NYAP2: variants seen among roughly 807,000 people sequenced by gnomAD.
The protein encoded by NYAP2 is neuronal tyrosine-phosphorylated phosphoinositide-3-kinase adapter 2.
NYAP2 carries 23 observed loss-of-function variants against 50.4 expected under a neutral mutation model. The observed-to-expected ratio is 0.46, with a 90% CI of 0.33 to 0.65. NYAP2 has a LOEUF of 0.65. Ranked by LOEUF, NYAP2 falls within the 30% of genes least tolerant of loss-of-function variation. The probability of loss-of-function intolerance (pLI) is 0.02; values close to 1 mark genes in which losing one functional copy is unlikely to be tolerated. For missense variants in NYAP2, 885 were observed against 861.0 expected (o/e 1.03, Z -0.35); for synonymous variants, 394 against 365.2 (o/e 1.08, Z -0.90).
chr2:225,679,860 G>T, the NYAP2 span, among the ~76,000 whole-genome samples: 2 of 151,874 alleles, frequency 1.3e-5, no homozygotes, highest in Non-Finnish European at 2.9e-5. Flanking sequence ...TAATGTATTT[G>T]CATGTAGAAA....
the NYAP2 span, among the ~76,000 whole-genome samples, chr2:225,681,681 C>A: frequency 6.6e-6 from 1 of 152,144 alleles, no homozygotes; most frequent in Admixed American, 6.5e-5. Context: ...ATATAAAATA[C>A]CCATAATCTC....
chr2:225,420,866 A>G (rs1249548507), intron 3 of NYAP2, among the ~76,000 whole-genome samples: 1 of 152,120 alleles, frequency 6.6e-6, no homozygotes, highest in Non-Finnish European at 1.5e-5. Flanking sequence ...TCAGAATGGC[A>G]TGGATAAATT....
At chr2:225,669,763 A>G in the NYAP2 span, among the ~76,000 whole-genome samples, 10 of 152,290 alleles carry the variant, frequency 6.6e-5, no homozygotes, top group African/African-American at 2.4e-4. Flanking sequence ...AGTAGTAGAA[A>G]ATGTGTAATT....
intron 3 of NYAP2, among the ~76,000 whole-genome samples, chr2:225,429,455 C>T (rs919167912): frequency 1.3e-5 from 2 of 152,168 alleles, no homozygotes; most frequent in African/African-American, 2.4e-5. Flanking sequence ...ACCTGGAATT[C>T]CTTGCAATGT....
chr2:225,532,190 CT>C (rs1162374041), intron 4 of NYAP2, among the ~76,000 whole-genome samples: 1 of 152,074 alleles, frequency 6.6e-6, no homozygotes, highest in African/African-American at 2.4e-5. Context: ...AGATTCATTC[CT>C]TTTTTTCCAT....
chr2:225,586,774 C>G (rs545998851), intron 5 of NYAP2, among the ~76,000 whole-genome samples: 1 of 151,930 alleles, frequency 6.6e-6, no homozygotes, highest in Non-Finnish European at 1.5e-5. Context: ...ATAACCAAAC[C>G]AAATTTTAAA....
chr2:225,443,857 A>G (rs1345015128), intron 3 of NYAP2, among the ~76,000 whole-genome samples: 6 of 152,206 alleles, frequency 3.9e-5, no homozygotes, highest in African/African-American at 1.4e-4. Flanking sequence ...CAAGACTTAT[A>G]TAAGGAATGG....
chr2:225,470,084 T>C (rs768004445), intron 3 of NYAP2, among the ~76,000 whole-genome samples: 9 of 152,300 alleles, frequency 5.9e-5, no homozygotes, highest in African/African-American at 9.6e-5. Flanking sequence ...ATGAAGTATA[T>C]TTCATCTGTC....
chr2:225,521,906 G>A (rs1477483676), intron 4 of NYAP2, among the ~76,000 whole-genome samples: 4 of 152,044 alleles, frequency 2.6e-5, no homozygotes, highest in South Asian at 2.1e-4. Context: ...TCTGGTCCTG[G>A]ACTCTTTTTT....
chr2:225,661,351 C>A, the NYAP2 span, among the ~76,000 whole-genome samples: 33 of 152,232 alleles, frequency 2.2e-4, no homozygotes, highest in African/African-American at 7.7e-4. Flanking sequence ...GCACCCAGCT[C>A]ACCTGCTGGA....
At chr2:225,557,830 G>T (rs1203552788) in intron 4 of NYAP2, among the ~76,000 whole-genome samples, 1 of 152,178 alleles carries the variant, frequency 6.6e-6, no homozygotes, top group Non-Finnish European at 1.5e-5. Flanking sequence ...GATTGCCAGG[G>T]TCTACAATGT....
At chr2:225,508,198 G>A (rs889215419) in intron 3 of NYAP2, among the ~76,000 whole-genome samples, 1 of 152,166 alleles carries the variant, frequency 6.6e-6, no homozygotes, top group Non-Finnish European at 1.5e-5. Context: ...CATGAGATGT[G>A]TCAGGCTTAA....
chr2:225,669,591 T>G, the NYAP2 span, among the ~76,000 whole-genome samples: 3 of 152,154 alleles, frequency 2.0e-5, no homozygotes, highest in Non-Finnish European at 2.9e-5. Flanking sequence ...TATTGTAATG[T>G]CAACCCTATG....
chr2:225,461,841 T>G (rs1689839246), intron 3 of NYAP2, among the ~76,000 whole-genome samples: 1 of 152,264 alleles, frequency 6.6e-6, no homozygotes, highest in Admixed American at 6.5e-5. Flanking sequence ...GACTTTTAAT[T>G]TCTTTTCAAG....
rs1457582984 is a variant in NYAP2, at chr2:225,564,321, A to T, written c.524-17620A>T. 2.6e-5 allele frequency among the ~76,000 whole-genome samples: 4 copies of T among 151,754 alleles called. No individual in the cohort carries two copies. In the South Asian group the frequency reaches 8.3e-4, roughly 32 times the overall value. On this transcript the variant is annotated intron_variant, in intron 4 of 6. Coordinates refer to ENST00000636099, the Ensembl canonical transcript of NYAP2. ...AAAACTGATTTAAGGCCTTGAGTTC[A>T]AAAGTCAAGGATTAGATTTTTCCAT...
intron 5 of NYAP2, among the ~76,000 whole-genome samples, chr2:225,589,486 A>T (rs1692451734): frequency 7.4e-6 from 1 of 135,576 alleles, no homozygotes; most frequent in South Asian, 2.4e-4. Context: ...CCTGGGCAAC[A>T]TACTAAGACT....
At chr2:225,681,164 G>A in the NYAP2 span, among the ~76,000 whole-genome samples, 13 of 152,210 alleles carry the variant, frequency 8.5e-5, no homozygotes, top group South Asian at 2.7e-3. Flanking sequence ...GTTGGACAGA[G>A]CTGGGCTCCT....
Position 225,478,803 on chromosome 2 carries a change from T to C in NYAP2, c.222-34568T>C, listed in dbSNP as rs116447196. On this transcript the variant is annotated intron_variant, in intron 3 of 6. Coordinates refer to ENST00000636099, the Ensembl canonical transcript of NYAP2. ...AAGAAAAGCAGGCATTACATCCTGA[T>C]ATAAAAAGTATTTTTCAAACAACAT... is the stretch of plus-strand genomic sequence containing the variant. 5.0e-3 allele frequency among the ~76,000 whole-genome samples: 766 copies of C among 152,324 alleles called. 4 individuals carry two copies. The highest frequency in any genetic ancestry group is 0.017 in the African/African-American group (713 of 41,570).
At chr2:225,547,642 C>G (rs1213290184) in intron 4 of NYAP2, among the ~76,000 whole-genome samples, 4 of 152,208 alleles carry the variant, frequency 2.6e-5, no homozygotes, top group Non-Finnish European at 4.4e-5. Context: ...TCTCCTTCTG[C>G]CAAGTCCACG....
Sources: allele counts gnomAD v4.1 joint callset (sites outside exome capture counted in the v4.1 genomes callset), GRCh38; gene constraint gnomAD v4.1.1; transcripts MANE v1.5; gene names NCBI Gene and HGNC (gene_info 2026-07-23, HGNC 2026-07-21).